Variants in TRIO observed in about 807,000 individuals in gnomAD.
TRIO encodes the protein triple functional domain protein.
Under a neutral mutation model 351.9 loss-of-function variants are expected in TRIO, and 58 were observed. The ratio of observed to expected loss-of-function variants is 0.16; its 90% CI spans 0.13 to 0.21. The LOEUF is 0.21. Ranked by LOEUF, TRIO falls within the 10% of genes least tolerant of loss-of-function variation. TRIO has a pLI of 1.00. For synonymous variants in TRIO, 1,758 were observed against 1,595.7 expected (o/e 1.10, Z -2.42); for missense variants, 3,201 against 4,027.8 (o/e 0.79, Z 5.56).
chr5:14,470,558 A>G (rs1283357134), intron 37 of TRIO, among the ~76,000 whole-genome samples: 9 of 152,230 alleles, frequency 5.9e-5, no homozygotes, highest in African/African-American at 2.2e-4. Context: ...CATTAATCCA[A>G]GGAGAGAAGT....
At chr5:14,420,822 C>T (rs1044375966) in intron 34 of TRIO, 1 of 152,242 alleles carries the variant, frequency 6.6e-6, no homozygotes, top group Non-Finnish European at 1.5e-5. Context: ...TGCAGAGGGG[C>T]CCTGGTGAAC....
chr5:14,413,809 A>G (rs1749402255), intron 33 of TRIO, among the ~76,000 whole-genome samples: 1 of 152,212 alleles, frequency 6.6e-6, no homozygotes, highest in Non-Finnish European at 1.5e-5. Flanking sequence ...TATTTAGTGT[A>G]AATTTTACAC....
chr5:14,173,454 C>A (rs562094233), intron 1 of TRIO, among the ~76,000 whole-genome samples: 1 of 151,970 alleles, frequency 6.6e-6, no homozygotes, highest in Non-Finnish European at 1.5e-5. Context: ...TCAGGTGATC[C>A]GCCCGCCTCA....
At chr5:14,254,332 C>T (rs555372364) in intron 1 of TRIO, among the ~76,000 whole-genome samples, 4 of 152,168 alleles carry the variant, frequency 2.6e-5, no homozygotes, top group South Asian at 4.2e-4. Context: ...TACAGGCGCC[C>T]GGCTAATTTT....
intron 1 of TRIO, among the ~76,000 whole-genome samples, chr5:14,150,525 A>T (rs33026): frequency 0.28 from 42,724 of 151,878 alleles, 6,219 homozygotes; most frequent in East Asian, 0.47. Context: ...AAATCAAAGG[A>T]TTATATATAT....
chr5:14,439,860 C>G (rs1335298457), intron 34 of TRIO, among the ~76,000 whole-genome samples: 3 of 152,218 alleles, frequency 2.0e-5, no homozygotes, highest in Middle Eastern at 3.4e-3. Context: ...GCCGTTGGAG[C>G]GCCTGAGACA....
chr5:14,487,940 C>A lies in TRIO; in HGVS notation c.7312C>A (p.Arg2438Ser). The change falls in exon 48 of 57, where the codon CGC becomes AGC. Residue 2438 changes from arginine to serine, a missense_variant. Coordinates refer to ENST00000344204, the MANE Select transcript of TRIO (RefSeq NM_007118.4). ...SSPDAPAKDA[R>S]ASLGTLPLGK... Reference sequence around the variant, plus strand: ...CCCAGACGCCCCCGCCAAGGACGCGCGCGCTAGCCTGGGCACCCTGCCGCT... The same window carrying A: ...CCCAGACGCCCCCGCCAAGGACGCGAGCGCTAGCCTGGGCACCCTGCCGCT... 1.3e-6 allele frequency: 2 copies of A among 1,543,954 alleles called. No individual in the cohort carries two copies. The highest frequency in any genetic ancestry group is 1.7e-6 in the Non-Finnish European group (2 of 1,144,732).
chr5:14,333,829 C>CTTA (rs1184194064), intron 10 of TRIO, among the ~76,000 whole-genome samples: 27 of 151,976 alleles, frequency 1.8e-4, no homozygotes, highest in African/African-American at 6.5e-4. Context: ...CTGGCCTTAC[C>CTTA]TTATTCCTTT....
intron 1 of TRIO, among the ~76,000 whole-genome samples, chr5:14,190,904 A>G (rs952922832): frequency 5.3e-5 from 8 of 152,212 alleles, no homozygotes; most frequent in African/African-American, 1.9e-4. Context: ...CCATTTAATC[A>G]GTTTGTATCC....
At chr5:14,248,078 A>AG (rs1453606234) in intron 1 of TRIO, among the ~76,000 whole-genome samples, 8 of 151,800 alleles carry the variant, frequency 5.3e-5, no homozygotes, top group Non-Finnish European at 8.8e-5. Flanking sequence ...AAAAAAAAAA[A>AG]AAAGAAAATA....
At chr5:14,274,718 TG>T (rs930658961) in intron 2 of TRIO, among the ~76,000 whole-genome samples, 2 of 152,220 alleles carry the variant, frequency 1.3e-5, no homozygotes, top group Non-Finnish European at 2.9e-5. Context: ...TTTGTTTGTT[TG>T]TTTTTTCCCC....
chr5:14,184,900 G>T (rs558214069), intron 1 of TRIO, among the ~76,000 whole-genome samples: 3 of 152,102 alleles, frequency 2.0e-5, no homozygotes, highest in Non-Finnish European at 4.4e-5. Context: ...CATTAATCAC[G>T]TTTAGTGTTC....
rs770534763 is a variant in TRIO, at chr5:14,472,573, C to A, written c.5913-19C>A. ...TTTAGAAAACAGTTTGCATGATAAACAATATTTTTTCTCTCCAGCTACGTT... is the reference window on the plus strand; with the variant it reads ...TTTAGAAAACAGTTTGCATGATAAAAAATATTTTTTCTCTCCAGCTACGTT... On this transcript the variant is annotated intron_variant, in intron 38 of 56. Coordinates refer to ENST00000344204, the MANE Select transcript of TRIO (RefSeq NM_007118.4). 2.5e-6 allele frequency: 4 copies of A among 1,613,286 alleles called. No individual in the cohort carries two copies. Among genetic ancestry groups the A allele is most frequent in the Non-Finnish European group, 3.4e-6 (4 of 1,179,500 alleles).
At chr5:14,476,434 T>G (rs565745831) in intron 40 of TRIO, among the ~76,000 whole-genome samples, 1 of 152,340 alleles carries the variant, frequency 6.6e-6, no homozygotes, top group East Asian at 1.9e-4. Context: ...TTGTTAAGTT[T>G]CCATATATTT....
chr5:14,299,102 T>G (rs1192055031), intron 7 of TRIO, among the ~76,000 whole-genome samples: 2 of 152,210 alleles, frequency 1.3e-5, no homozygotes, highest in Non-Finnish European at 2.9e-5. Context: ...ATTACCACTG[T>G]GACCTGCCTG....
chr5:14,230,332 C>G (rs1388801432), intron 1 of TRIO, among the ~76,000 whole-genome samples: 1 of 132,794 alleles, frequency 7.5e-6, no homozygotes, highest in Non-Finnish European at 1.6e-5. Context: ...GAAAGTCAGG[C>G]AAGATGTTTG....
intron 2 of TRIO, among the ~76,000 whole-genome samples, chr5:14,279,648 C>T (rs1735821472): frequency 6.6e-6 from 1 of 152,102 alleles, no homozygotes; most frequent in South Asian, 2.1e-4. Flanking sequence ...AATCGTTCTG[C>T]CTGCCTGTCT....
chr5:14,406,039 C>T (rs376601120), intron 32 of TRIO, 49 bp downstream of exon 32: 208 of 1,595,060 alleles, frequency 1.3e-4, no homozygotes, highest in Non-Finnish European at 1.7e-4. Context: ...GAGGGAGGGG[C>T]GAGGCGGTGT....
At chr5:14,373,552 C>A (rs1745306016) in intron 18 of TRIO, among the ~76,000 whole-genome samples, 1 of 152,100 alleles carries the variant, frequency 6.6e-6, no homozygotes, top group Admixed American at 6.6e-5. Flanking sequence ...TATTTGTATT[C>A]TTTTATCTAA....
Sources: gnomAD v4.1 joint callset for allele counts (sites outside exome capture counted in the v4.1 genomes callset) on GRCh38, gnomAD v4.1.1 for gene constraint, MANE v1.5 for transcripts, NCBI Gene and HGNC (gene_info 2026-07-23, HGNC 2026-07-21) for gene names.